Variants in SLC40A1 observed in about 807,000 individuals in gnomAD.
The protein encoded by SLC40A1 is solute carrier family 40 member 1, also known as ferroportin.
Under a neutral mutation model 53.5 loss-of-function variants are expected in SLC40A1, and 16 were observed. The ratio of observed to expected loss-of-function variants is 0.30; its 90% CI spans 0.20 to 0.45. SLC40A1 has a LOEUF of 0.45. Ranked by LOEUF, SLC40A1 falls within the 20% of genes least tolerant of loss-of-function variation. The pLI, the probability that SLC40A1 is intolerant of heterozygous loss-of-function variation, is 1.00. For synonymous variants in SLC40A1, 247 were observed against 253.2 expected (o/e 0.98, Z 0.23); for missense variants, 545 against 695.4 (o/e 0.78, Z 2.43).
rs910343037 is a variant in SLC40A1, at chr2:189,561,988, T to C, written c.1606A>G (p.Ile536Val). Residue 536 changes from isoleucine (I) to valine (V), a missense_variant, in exon 8 of 8, where the codon ATT (isoleucine) becomes GTT (valine). By Grantham distance (29) the Ile-to-Val change is conservative. This residue lies in a region of SLC40A1 where 234 missense variants were observed against 299.0 expected (regional missense o/e 0.78). Transcript: ENST00000261024. Reference protein sequence around the residue: ...ISVSFVAMGHIMYFRFAQNTL... With the variant: ...ISVSFVAMGHVMYFRFAQNTL... ...TTTTGGGCAAATCGGAAATACATAA[T>C]GTGGCCCATTGCCACAAAGGAGACT... 1 of 1,614,156 alleles carries C rather than the reference T, an allele frequency of 6.2e-7. No individual in the cohort carries two copies. The highest frequency in any genetic ancestry group is 1.1e-5 in the South Asian group (1 of 91,086).
chr2:189,571,661 G>T, intron 5 of SLC40A1, 54 bp downstream of exon 5: 1 of 1,594,858 alleles, frequency 6.3e-7, no homozygotes, highest in South Asian at 1.1e-5. Flanking sequence ...TATCACCACC[G>T]ATTTAAAGTG....
intron 2 of SLC40A1, chr2:189,578,258 C>A (rs1165762398): frequency 6.4e-5 from 64 of 999,472 alleles, no homozygotes; most frequent in East Asian, 2.3e-4. Flanking sequence ...TCCTTTGCAG[C>A]GGAAAGGAGT....
intron 5 of SLC40A1, among the ~76,000 whole-genome samples, chr2:189,571,082 G>A (rs1036210002): frequency 6.6e-6 from 1 of 152,142 alleles, no homozygotes; most frequent in Non-Finnish European, 1.5e-5. Flanking sequence ...TGACAGAATA[G>A]GACATGTTGC....
chr2:189,570,733 T>A lies in SLC40A1; in HGVS notation c.514+982A>T, dbSNP rs1244133865. ...GACTTTGTTCTCCTTCACTCACCCC[T>A]CCTTTCTAACTTTTTTTTTAACCAA... On this transcript the variant is annotated intron_variant, in intron 5 of 7. Coordinates refer to ENST00000261024, the MANE Select transcript of SLC40A1 (RefSeq NM_014585.6). Among the ~76,000 whole-genome samples, 3 of 152,130 alleles carry A rather than the reference T, an allele frequency of 2.0e-5. 1 individual carries two copies. Among genetic ancestry groups the A allele is most frequent in the Admixed American group, 6.5e-5 (1 of 15,272 alleles).
At chr2:189,577,745 C>A (rs991955211) in intron 2 of SLC40A1, among the ~76,000 whole-genome samples, 1 of 151,578 alleles carries the variant, frequency 6.6e-6, no homozygotes, top group African/African-American at 2.4e-5. Context: ...CTCTCAGTAG[C>A]TGGGACTACA....
chr2:189,570,125 T>G (rs913682335), intron 5 of SLC40A1, among the ~76,000 whole-genome samples: 2 of 151,344 alleles, frequency 1.3e-5, no homozygotes, highest in Non-Finnish European at 2.9e-5. Context: ...TATATATGTG[T>G]GTGTGTATAT....
Position 189,561,865 on chromosome 2 carries a change from C to G in SLC40A1, c.*13G>C. ...ATATAATCTAGTAACAGGATAGCAACAGTTAAACTGTCTCAAACAACAGAT... is the reference window on the plus strand; with the variant it reads ...ATATAATCTAGTAACAGGATAGCAAGAGTTAAACTGTCTCAAACAACAGAT... On this transcript the variant is annotated 3_prime_UTR_variant, in exon 8 of 8. Coordinates refer to ENST00000261024, the MANE Select transcript of SLC40A1 (RefSeq NM_014585.6). 6.2e-7 allele frequency: 1 copy of G among 1,606,932 alleles called. No homozygotes were observed. The highest frequency in any genetic ancestry group is 8.5e-7 in the Non-Finnish European group (1 of 1,173,592).
At chr2:189,573,592 C>T (rs1024422181) in intron 3 of SLC40A1, among the ~76,000 whole-genome samples, 1 of 152,136 alleles carries the variant, frequency 6.6e-6, no homozygotes, top group Non-Finnish European at 1.5e-5. Context: ...CACCTGGTAG[C>T]CTTTTCTCTG....
intron 2 of SLC40A1, among the ~76,000 whole-genome samples, 194 bp from the exon 3 acceptor site, chr2:189,575,514 C>T (rs566904674): frequency 1.7e-4 from 26 of 152,090 alleles, no homozygotes; most frequent in South Asian, 8.3e-4. Context: ...ATATTCTTGC[C>T]CAATTATTAA....
intron 2 of SLC40A1, among the ~76,000 whole-genome samples, chr2:189,575,911 G>T (rs939529404): frequency 2.0e-5 from 3 of 152,180 alleles, no homozygotes; most frequent in African/African-American, 7.2e-5. Context: ...TTGGAAAGAG[G>T]AGTAGTAACA....
At chr2:189,576,466 A>T (rs2031287647) in intron 2 of SLC40A1, among the ~76,000 whole-genome samples, 1 of 152,234 alleles carries the variant, frequency 6.6e-6, no homozygotes, top group Non-Finnish European at 1.5e-5. Flanking sequence ...GCAATCATTT[A>T]CAAAAAAACT....
At chr2:189,569,868 CAG>C (rs1235088613) in intron 5 of SLC40A1, among the ~76,000 whole-genome samples, 1 of 151,964 alleles carries the variant, frequency 6.6e-6, no homozygotes, top group Non-Finnish European at 1.5e-5. Context: ...GAGAAACGAC[CAG>C]TCATATTTTT....
At chr2:189,564,481 T>C (rs1292786187) in intron 6 of SLC40A1, among the ~76,000 whole-genome samples, 1 of 151,880 alleles carries the variant, frequency 6.6e-6, no homozygotes, top group African/African-American at 2.4e-5. Flanking sequence ...CTCTTAGAAA[T>C]TATACTCCCA....
Position 189,561,656 on chromosome 2 carries a change from A to C in SLC40A1, c.*222T>G. The C allele has an allele frequency of 1.8e-6, 1 of 544,920 alleles. No homozygotes were observed. The highest frequency in any genetic ancestry group is 3.3e-6 in the Non-Finnish European group (1 of 304,344). The allele number at this position is 544,920 out of a possible 1,614,324, so 33.8% of individuals were successfully genotyped here. A position where few individuals can be genotyped will look rare whatever the true frequency, so the allele number is the denominator to read the frequency against. On this transcript the variant is annotated 3_prime_UTR_variant, in exon 8 of 8. Transcript: ENST00000261024. ...TTATCATTATAGTCTCCGTATTTAA[A>C]CTGAGTTTTTCTTTTCCAATTTTTT...
In SLC40A1 at chr2:189,565,619, A is replaced by T. The variant is rs781515714; in HGVS notation, c.515-20T>A. 1.2e-6 allele frequency: 2 copies of T among 1,614,136 alleles called. No homozygotes were observed. The highest frequency in any genetic ancestry group is 1.7e-6 in the Non-Finnish European group (2 of 1,180,032). On this transcript the variant is annotated intron_variant, in intron 5 of 7. Transcript: ENST00000261024. ...TCATATCTAGAGAGGCAGGTGAAAG[A>T]GGCAGGTAAGTGTGCAAACCCATCA... is the stretch of plus-strand genomic sequence containing the variant.
intron 5 of SLC40A1, among the ~76,000 whole-genome samples, chr2:189,570,333 ATATGTGTGATC>A (rs1382105900): frequency 6.6e-6 from 1 of 152,122 alleles, no homozygotes; most frequent in Non-Finnish European, 1.5e-5. Flanking sequence ...TCCAACAAAT[ATATGTGTGATC>A]TATTGTCAAA....
intron 5 of SLC40A1, among the ~76,000 whole-genome samples, chr2:189,568,125 G>A (rs1390992061): frequency 1.3e-5 from 2 of 151,418 alleles, no homozygotes; most frequent in Non-Finnish European, 2.9e-5. Flanking sequence ...ATATGTAGGT[G>A]TCAGTAGAAA....
intron 5 of SLC40A1, among the ~76,000 whole-genome samples, chr2:189,568,972 G>A (rs1169607978): frequency 3.9e-5 from 6 of 152,208 alleles, no homozygotes; most frequent in Non-Finnish European, 8.8e-5. Context: ...CGTGGCACAA[G>A]AGAATGTTAT....
At chr2:189,568,592 CATAA>C (rs1190116884) in intron 5 of SLC40A1, among the ~76,000 whole-genome samples, 1 of 152,210 alleles carries the variant, frequency 6.6e-6, no homozygotes, top group Non-Finnish European at 1.5e-5. Flanking sequence ...TTTAGTCTTA[CATAA>C]GCACACAAAT....
Sources: gnomAD v4.1 joint callset for allele counts (sites outside exome capture counted in the v4.1 genomes callset) on GRCh38, gnomAD v4.1.1 for gene constraint, gnomAD v4.1.1 regional missense constraint, MANE v1.5 for transcripts, NCBI Gene and HGNC (gene_info 2026-07-23, HGNC 2026-07-21) for gene names.